The following PPFIA4 variants were observed in gnomAD, a reference collection of about 807,000 sequenced individuals.
PPFIA4 encodes liprin-alpha-4.
In PPFIA4, 98 loss-of-function variants were observed where a neutral mutation model predicts 145.7. The ratio of observed to expected loss-of-function variants is 0.67; its 90% CI spans 0.57 to 0.80. The LOEUF (loss-of-function observed/expected upper bound fraction) is 0.80, where lower values mean the gene tolerates loss of function less well. PPFIA4 is among the 30% of genes least tolerant of loss of function. The pLI is 0.00. For synonymous variants in PPFIA4, 628 were observed against 649.6 expected, an observed-to-expected ratio of 0.97 and a Z score of 0.51; for missense variants, 1,457 against 1,632.7, an observed-to-expected ratio of 0.89 and a Z score of 1.85.
rs1038712784 is a variant in PPFIA4, at chr1:203,060,025, G to A, written c.2583+174G>A. On this transcript the variant is annotated intron_variant, in intron 21 of 29. Coordinates refer to ENST00000295706, the MANE Select transcript of PPFIA4 (RefSeq NM_001304331.2). The surrounding 1 kb of genome is among the most constrained non-coding windows in gnomAD (Gnocchi z 4.8). The stretch of plus-strand genomic sequence containing the variant: ...TCCCCAACACACACACATACCAGTC[G>A]CAGGAGAGAGTTGATGCTACTTTTA... Among the ~76,000 whole-genome samples the A allele has an allele frequency of 6.6e-6, 1 of 152,104 alleles. No individual in the cohort carries two copies.
intron 9 of PPFIA4, among the ~76,000 whole-genome samples, chr1:203,047,967 T>C (rs1353850276): frequency 6.6e-6 from 1 of 152,216 alleles, no homozygotes; most frequent in Non-Finnish European, 1.5e-5. Context: ...TACAGTCTCT[T>C]GAACTGCTAG....
chr1:203,046,278 C>T lies in PPFIA4; in HGVS notation c.1036C>T (p.Leu346=). ...CEEKARHLQE[L]LEVAEQKLQQ... is the part of the protein sequence containing the mutation. ...GGAGAAGGCCCGACACCTGCAGGAG[C>T]TGCTGGAGGTGGCAGAGCAGAAGCT... The change falls in exon 9 of 30, where the codon CTG becomes TTG. Residue 346 remains leucine (L), a synonymous_variant. Transcript: ENST00000295706. 1 of 1,596,518 alleles carries T rather than the reference C, an allele frequency of 6.3e-7. No individual in the cohort carries two copies. The highest frequency in any genetic ancestry group is 8.5e-7 in the Non-Finnish European group (1 of 1,172,218).
Position 203,076,537 on chromosome 1 carries a change from C to T in PPFIA4, c.*147C>T, listed in dbSNP as rs532625572. The T allele has an allele frequency of 2.2e-5, 17 of 768,682 alleles. No individual in the cohort carries two copies. In the African/African-American group the frequency reaches 2.6e-4, roughly 12 times the overall value. 47.6% of individuals were successfully genotyped at this position (768,682 alleles called of 1,614,324 possible). On this transcript the variant is annotated 3_prime_UTR_variant, in exon 30 of 30. Transcript: ENST00000295706. ...CTGGATCTCAGAATATATTCGTCCA[C>T]CCCCTCGGCACCCCATTACCCCGAG... is the stretch of plus-strand genomic sequence containing the variant.
Position 203,035,025 on chromosome 1 carries a change from C to T in PPFIA4, c.-399-3585C>T, listed in dbSNP as rs554182507. Among the ~76,000 whole-genome samples the T allele has an allele frequency of 3.3e-5, 5 of 152,380 alleles. No individual in the cohort carries two copies. The South Asian group carries it at 6.2e-4, about 19-fold the overall frequency. ...GATTAAAATAAATTAATCCATACCA[C>T]TTGGAAGCACAGTGCTGGGCACATG... On this transcript the variant is annotated intron_variant, in intron 1 of 29. Transcript: ENST00000295706.
At chr1:203,052,537 C>T (rs4950874) in intron 14 of PPFIA4, among the ~76,000 whole-genome samples, 89,854 of 151,950 alleles carry the variant, frequency 0.59, 26,737 homozygotes, top group South Asian at 0.63. Context: ...GGAAGATTCA[C>T]TCTGCCCTTA....
chr1:203,052,380 T>C lies in PPFIA4; in HGVS notation c.1620+503T>C, dbSNP rs533768841. Among the ~76,000 whole-genome samples, 23 of 152,128 alleles carry C rather than the reference T, an allele frequency of 1.5e-4. No individual in the cohort carries two copies. In the South Asian group the frequency reaches 1.7e-3, roughly 11 times the overall value. ...GATTAGGGGAGAATGAGGAAAGATA[T>C]GGGGCAGAAAAATGCCGAGTTTGAT... On this transcript the variant is annotated intron_variant, in intron 14 of 29. Transcript: ENST00000295706.
chr1:203,063,622 G>C (rs1401666881), intron 24 of PPFIA4: 1 of 544,664 alleles, frequency 1.8e-6, no homozygotes, highest in Non-Finnish European at 3.3e-6. Context: ...GTATCATTTC[G>C]AGATCTTAAA....
Position 203,075,495 on chromosome 1 carries a change from A to G in PPFIA4, c.3394-82A>G. On this transcript the variant is annotated intron_variant, in intron 28 of 29. Coordinates refer to ENST00000295706, the MANE Select transcript of PPFIA4 (RefSeq NM_001304331.2). The surrounding 1 kb of genome is among the most constrained non-coding windows in gnomAD (Gnocchi z 4.1). ...TGGGAGTGGTGCCCCTTGAACCAGC[A>G]GCGACTGGCCCCCTCCAGGCAGGGC... 1 of 1,209,160 alleles carries G rather than the reference A, an allele frequency of 8.3e-7. No individual in the cohort carries two copies. The highest frequency in any genetic ancestry group is 2.6e-5 in the South Asian group (1 of 38,842). 74.9% of individuals were successfully genotyped at this position (1,209,160 alleles called of 1,614,324 possible).
chr1:203,060,859 A>G lies in PPFIA4; in HGVS notation c.2785-111A>G, dbSNP rs1233558652. ...ATCTCCATGATTGAGACCAGCCCCCATTTCAGAGGACTCAGGGAGGGAGCT... is the reference window on the plus strand; with the variant it reads ...ATCTCCATGATTGAGACCAGCCCCCGTTTCAGAGGACTCAGGGAGGGAGCT... On this transcript the variant is annotated intron_variant, in intron 22 of 29. Transcript: ENST00000295706. This position sits in a 1 kb window ranked among gnomAD's most constrained non-coding sequence, Gnocchi z 4.8. 1.3e-5 allele frequency: 12 copies of G among 943,150 alleles called. No individual in the cohort carries two copies. Among genetic ancestry groups the G allele is most frequent in the Admixed American group, 1.9e-5 (1 of 51,766 alleles). The allele number at this position is 943,150 out of a possible 1,614,324, so 58.4% of individuals were successfully genotyped here.
chr1:203,049,033 G>GTCCTTTCCTCCCT, intron 12 of PPFIA4, 53 bp downstream of exon 12: 1 of 1,521,506 alleles, frequency 6.6e-7, no homozygotes, highest in Non-Finnish European at 8.9e-7. Flanking sequence ...GTTGCAGGGA[G>GTCCTTTCCTCCCT]GAAAGGACAC....
chr1:203,051,395 C>A (rs934339394), intron 13 of PPFIA4: 4 of 849,310 alleles, frequency 4.7e-6, no homozygotes, highest in Admixed American at 1.2e-4. Context: ...GTGCCTGGAG[C>A]CCTCCTGCGC....
Position 203,044,723 on chromosome 1 carries a change from G to T in PPFIA4, c.604G>T (p.Val202Leu). The stretch of plus-strand genomic sequence containing the variant: ...GTCTGCCCTGCAGCAGGGGGCAGGG[G>T]TGCGGGATGGAGCGGCAGAAGAGGA... The part of the protein sequence containing the change: ...QVSALQQGAG[V>L]RDGAAEEEGT... Residue 202 changes from valine (V) to leucine (L), a missense_variant, in exon 6 of 30, where the codon GTG becomes TTG. Around this residue, in one of 3 missense-constraint regions of PPFIA4, gnomAD observed 463 missense variants for 459.8 expected, o/e 1.01. Coordinates refer to ENST00000295706, the MANE Select transcript of PPFIA4 (RefSeq NM_001304331.2). 1 of 1,562,490 alleles carries T rather than the reference G, an allele frequency of 6.4e-7. No individual in the cohort carries two copies. The highest frequency in any genetic ancestry group is 1.2e-5 in the South Asian group (1 of 84,768).
chr1:203,062,060 C>T (rs1661401435), intron 24 of PPFIA4, among the ~76,000 whole-genome samples: 1 of 152,074 alleles, frequency 6.6e-6, no homozygotes, highest in African/African-American at 2.4e-5. Flanking sequence ...GTTTATTGAG[C>T]AAATATAAGG....
intron 18 of PPFIA4, 26 bp from the exon 19 acceptor site, chr1:203,056,758 G>GC (rs1358137362): frequency 1.3e-6 from 2 of 1,539,392 alleles, no homozygotes; most frequent in African/African-American, 2.7e-5. Context: ...TTCTTATTCC[G>GC]CCCCCTTCTG....
chr1:203,029,047 A>G (rs1571646173), intron 1 of PPFIA4, among the ~76,000 whole-genome samples: 1 of 152,038 alleles, frequency 6.6e-6, no homozygotes, highest in East Asian at 1.9e-4. Flanking sequence ...GAGGCAACTG[A>G]GAATGTCACA....
intron 25 of PPFIA4, among the ~76,000 whole-genome samples, chr1:203,066,406 A>G (rs940094796): frequency 6.6e-6 from 1 of 152,248 alleles, no homozygotes; most frequent in African/African-American, 2.4e-5. Context: ...AGTGCCCTCA[A>G]TAAGAGTCAA....
chr1:203,075,818 AC>A lies in PPFIA4; in HGVS notation c.3574+65del. 7.5e-7 allele frequency: 1 copy of A among 1,330,072 alleles called. No individual in the cohort carries two copies. The highest frequency in any genetic ancestry group is 2.1e-5 in the South Asian group (1 of 48,036). 82.4% of individuals were successfully genotyped at this position (1,330,072 alleles called of 1,614,324 possible). ...AGCCGAGCGCGGGCTTCTTCCTGGC[AC>A]CCCAGGGCCGGGCCGGGTGGAGAGG... On this transcript the variant is annotated intron_variant, in intron 29 of 29. Coordinates refer to ENST00000295706, the MANE Select transcript of PPFIA4 (RefSeq NM_001304331.2). The surrounding 1 kb of genome is among the most constrained non-coding windows in gnomAD (Gnocchi z 4.1).
intron 1 of PPFIA4, among the ~76,000 whole-genome samples, chr1:203,032,071 T>TG (rs1558060391): frequency 6.6e-6 from 1 of 151,862 alleles, no homozygotes; most frequent in Non-Finnish European, 1.5e-5. Context: ...TGTGTGTGTG[T>TG]TTTAGCAGGG....
chr1:203,051,538 A>C, intron 13 of PPFIA4: 1 of 804,812 alleles, frequency 1.2e-6, no homozygotes, highest in African/African-American at 1.8e-5. Flanking sequence ...CAGACGGAAA[A>C]CCGCTCTCTG....
Sources: gnomAD v4.1 joint callset for allele counts (sites outside exome capture counted in the v4.1 genomes callset) on GRCh38, gnomAD v4.1.1 for gene constraint, gnomAD v4.1.1 regional missense constraint, Gnocchi (gnomAD v3.1) non-coding constraint, MANE v1.5 for transcripts, NCBI Gene and HGNC (gene_info 2026-07-23, HGNC 2026-07-21) for gene names.